LRRTM4: variants seen among roughly 807,000 people sequenced by gnomAD.
LRRTM4 encodes the protein leucine rich repeat transmembrane neuronal 4.
LRRTM4 carries 25 observed loss-of-function variants against 47.6 expected under a neutral mutation model. The observed-to-expected ratio is 0.53, with a 90% CI of 0.38 to 0.73. The LOEUF (loss-of-function observed/expected upper bound fraction) is 0.73. Ranked by LOEUF, LRRTM4 falls within the 30% of genes least tolerant of loss-of-function variation. The probability of loss-of-function intolerance (pLI) is 0.00; values close to 1 mark genes in which losing one functional copy is unlikely to be tolerated. For missense variants in LRRTM4, 638 were observed against 713.4 expected, an observed-to-expected ratio of 0.89 and a Z score of 1.20; for synonymous variants, 311 against 269.5, an observed-to-expected ratio of 1.15 and a Z score of -1.51.
chr2:77,192,441 G>A (rs1392730564), intron 3 of LRRTM4, among the ~76,000 whole-genome samples: 1 of 151,710 alleles, frequency 6.6e-6, no homozygotes, highest in East Asian at 1.9e-4. Flanking sequence ...AAATTAGTAT[G>A]GCATACTATC....
chr2:76,998,601 C>G (rs1353900581), intron 3 of LRRTM4, among the ~76,000 whole-genome samples: 1 of 151,768 alleles, frequency 6.6e-6, no homozygotes, highest in African/African-American at 2.4e-5. Context: ...ACAAGAAACC[C>G]CAGGCAATTT....
intron 3 of LRRTM4, among the ~76,000 whole-genome samples, chr2:76,902,224 A>G (rs1289224348): frequency 2.0e-5 from 3 of 152,000 alleles, no homozygotes; most frequent in Admixed American, 2.0e-4. Context: ...TTTTTACAGC[A>G]CTCTGGCCCT....
chr2:77,241,243 C>CAT (rs1293919454), intron 3 of LRRTM4, among the ~76,000 whole-genome samples: 3 of 36,214 alleles, frequency 8.3e-5, no homozygotes, highest in African/African-American at 2.3e-4. Context: ...CACACACACA[C>CAT]ACATGGGTCT....
chr2:77,266,159 C>G (rs759742558), intron 3 of LRRTM4, among the ~76,000 whole-genome samples: 1 of 152,026 alleles, frequency 6.6e-6, no homozygotes, highest in African/African-American at 2.4e-5. Flanking sequence ...GCTCACAAAG[C>G]CTTAAAGAAT....
chr2:77,493,429 T>C (rs957763266), intron 3 of LRRTM4, among the ~76,000 whole-genome samples: 1 of 152,036 alleles, frequency 6.6e-6, no homozygotes, highest in African/African-American at 2.4e-5. Context: ...AGACTAGACA[T>C]CAGTGTTTAA....
At chr2:76,995,828 T>C (rs1302533384) in intron 3 of LRRTM4, among the ~76,000 whole-genome samples, 1 of 151,986 alleles carries the variant, frequency 6.6e-6, no homozygotes, top group Non-Finnish European at 1.5e-5. Context: ...ACATGGGAAA[T>C]ACAAAGTAAA....
At chr2:76,913,824 C>T (rs1674153138) in intron 3 of LRRTM4, among the ~76,000 whole-genome samples, 1 of 151,976 alleles carries the variant, frequency 6.6e-6, no homozygotes, top group Non-Finnish European at 1.5e-5. Flanking sequence ...CAGGCGTGAA[C>T]CACCATGCCC....
chr2:77,077,890 T>C, intron 3 of LRRTM4, among the ~76,000 whole-genome samples: 1 of 152,168 alleles, frequency 6.6e-6, no homozygotes, highest in East Asian at 1.9e-4. Context: ...ACATGTCAAA[T>C]AATTAATCTT....
chr2:76,840,444 C>T (rs1671638704), intron 3 of LRRTM4, among the ~76,000 whole-genome samples: 1 of 152,064 alleles, frequency 6.6e-6, no homozygotes, highest in Non-Finnish European at 1.5e-5. Context: ...TTTAAGTATC[C>T]TTGATGGAAA....
At chr2:77,243,340 G>A (rs1675323613) in intron 3 of LRRTM4, among the ~76,000 whole-genome samples, 1 of 149,768 alleles carries the variant, frequency 6.7e-6, no homozygotes, top group Admixed American at 6.7e-5. Context: ...AACCTGGGAG[G>A]CGGAGGTTGC....
At chr2:77,155,169 G>A (rs1302721264) in intron 3 of LRRTM4, among the ~76,000 whole-genome samples, 1 of 151,960 alleles carries the variant, frequency 6.6e-6, no homozygotes, top group Non-Finnish European at 1.5e-5. Context: ...TTTAAATACA[G>A]TGAAAGAGAA....
At chr2:76,978,765 A>G (rs1389433989) in intron 3 of LRRTM4, among the ~76,000 whole-genome samples, 1 of 152,032 alleles carries the variant, frequency 6.6e-6, no homozygotes, top group Non-Finnish European at 1.5e-5. Context: ...TCTTTGTTTT[A>G]GCAAAAGGTT....
chr2:76,805,658 A>G (rs935395062), intron 3 of LRRTM4, among the ~76,000 whole-genome samples: 3 of 152,210 alleles, frequency 2.0e-5, no homozygotes, highest in African/African-American at 7.2e-5. Context: ...CTTTAGTTTA[A>G]TGCTAAACCA....
At chr2:77,029,052 A>C (rs1169746271) in intron 3 of LRRTM4, among the ~76,000 whole-genome samples, 1 of 140,642 alleles carries the variant, frequency 7.1e-6, no homozygotes, top group African/African-American at 2.6e-5. Flanking sequence ...CACACACACA[A>C]ATATATATAT....
chr2:76,807,565 TTTAG>T (rs1424735488), intron 3 of LRRTM4, among the ~76,000 whole-genome samples: 2 of 149,004 alleles, frequency 1.3e-5, no homozygotes, highest in Non-Finnish European at 3.0e-5. Context: ...TGATTTTCTA[TTTAG>T]TTTTATTTTC....
intron 3 of LRRTM4, among the ~76,000 whole-genome samples, chr2:77,274,249 A>G (rs1676281248): frequency 6.6e-6 from 1 of 152,142 alleles, no homozygotes; most frequent in Non-Finnish European, 1.5e-5. Context: ...ATTTATCACG[A>G]AAAGGTTAAT....
At chr2:77,457,556 C>A (rs776932743) in intron 3 of LRRTM4, among the ~76,000 whole-genome samples, 3 of 151,924 alleles carry the variant, frequency 2.0e-5, no homozygotes, top group South Asian at 2.1e-4. Context: ...TATATCTATC[C>A]TACTTGAAAA....
At chr2:77,022,806 G>C (rs985828336) in intron 3 of LRRTM4, among the ~76,000 whole-genome samples, 1 of 152,156 alleles carries the variant, frequency 6.6e-6, no homozygotes, top group Non-Finnish European at 1.5e-5. Context: ...TGCTTTTATG[G>C]GCTGGCATTG....
At chr2:77,264,777 C>T (rs1231943341) in intron 3 of LRRTM4, among the ~76,000 whole-genome samples, 2 of 152,062 alleles carry the variant, frequency 1.3e-5, no homozygotes, top group Non-Finnish European at 2.9e-5. Context: ...ACACACAACA[C>T]AATTAGAATG....
Sources: gnomAD v4.1 joint callset for allele counts (sites outside exome capture counted in the v4.1 genomes callset) on GRCh38, gnomAD v4.1.1 for gene constraint, MANE v1.5 for transcripts, NCBI Gene and HGNC (gene_info 2026-07-23, HGNC 2026-07-21) for gene names.